SLC7A11: variants seen among roughly 807,000 people sequenced by gnomAD.
The protein encoded by SLC7A11 is solute carrier family 7 member 11.
In SLC7A11, 35 loss-of-function variants were observed where a neutral mutation model predicts 54.5. The observed-to-expected ratio is 0.64, with a 90% CI of 0.49 to 0.85. The LOEUF is 0.85. SLC7A11 is among the 40% of genes least tolerant of loss of function. The pLI, the probability that SLC7A11 is intolerant of heterozygous loss-of-function variation, is 0.00. For missense variants in SLC7A11, 583 were observed against 618.1 expected, an observed-to-expected ratio of 0.94 and a Z score of 0.60; for synonymous variants, 230 against 225.2, an observed-to-expected ratio of 1.02 and a Z score of -0.19.
intron 11 of SLC7A11, chr4:138,174,845 C>T (rs1020784608): frequency 6.6e-6 from 1 of 152,116 alleles, no homozygotes; most frequent in African/African-American, 2.4e-5. Context: ...CTTTCATGTT[C>T]AGTAGTTATT....
chr4:138,207,267 C>T (rs1737432060), intron 6 of SLC7A11, among the ~76,000 whole-genome samples: 2 of 151,910 alleles, frequency 1.3e-5, no homozygotes, highest in Non-Finnish European at 2.9e-5. Flanking sequence ...ATGTAGATAA[C>T]ATTGACTTGT....
rs1312382490 is a variant in SLC7A11, at chr4:138,197,996, G to A, written c.792-12752C>T. On this transcript the variant is annotated intron_variant, in intron 6 of 11. Transcript: ENST00000280612. ...GTATCATCAATATAATATAATGTAA[G>A]TATCATAAACTAAGGAGTAATATGA... is the stretch of plus-strand genomic sequence containing the variant. 2.0e-5 allele frequency among the ~76,000 whole-genome samples: 3 copies of A among 150,312 alleles called. No individual in the cohort carries two copies. The South Asian group carries it at 6.3e-4, about 31-fold the overall frequency.
chr4:138,237,700 AATATATATATATATATAT>A (rs1168512229), intron 1 of SLC7A11, among the ~76,000 whole-genome samples: 402 of 14,684 alleles, frequency 0.027, 8 homozygotes, highest in Non-Finnish European at 0.029. Context: ...GCCTAGCCAG[AATATATATATATATATAT>A]ATATATATAT....
At chr4:138,202,867 T>C (rs927879591) in intron 6 of SLC7A11, among the ~76,000 whole-genome samples, 2 of 152,164 alleles carry the variant, frequency 1.3e-5, no homozygotes, top group Non-Finnish European at 2.9e-5. Flanking sequence ...TGATGCTCAC[T>C]GTGCCTGGAA....
chr4:138,201,692 C>T lies in SLC7A11; in HGVS notation c.791+12893G>A, dbSNP rs926525911. On this transcript the variant is annotated intron_variant, in intron 6 of 11. Coordinates refer to ENST00000280612, the MANE Select transcript of SLC7A11 (RefSeq NM_014331.4). ...AACAGCTTCCCCATGTCCACAAATC[C>T]TGATCTGATAGTCCCTATGGGTGAC... 3.9e-5 allele frequency among the ~76,000 whole-genome samples: 6 copies of T among 152,078 alleles called. No individual in the cohort carries two copies. The East Asian group carries it at 1.2e-3, about 29-fold the overall frequency.
intron 6 of SLC7A11, among the ~76,000 whole-genome samples, chr4:138,206,960 A>T (rs1737422389): frequency 6.8e-6 from 1 of 147,422 alleles, no homozygotes; most frequent in African/African-American, 2.5e-5. Flanking sequence ...TTAAAAATGG[A>T]TTAATCAAGC....
At position 138,170,250 on chromosome 4, in the gene SLC7A11, G is replaced by GTGTGTA. The variant is rs1443314500; in HGVS notation, c.*1705_*1706insTACACA. On this transcript the variant is annotated 3_prime_UTR_variant, in exon 12 of 12. Transcript: ENST00000280612. ...ATATAAAAAGTGTGTGTGTGTGTGT[G>GTGTGTA]TATATATATATATATATATATACAC... 1 of 74,072 alleles carries GTGTGTA rather than the reference G, an allele frequency of 1.4e-5. No homozygotes were observed. Among genetic ancestry groups the GTGTGTA allele is most frequent in the Non-Finnish European group, 2.5e-5 (1 of 39,660 alleles). 4.6% of individuals were successfully genotyped at this position (74,072 alleles called of 1,614,324 possible). A position where few individuals can be genotyped will look rare whatever the true frequency, so the allele number is the denominator to read the frequency against.
At position 138,170,246 on chromosome 4, in the gene SLC7A11, G is replaced by GTATA. The variant is rs1235068908; in HGVS notation, c.*1709_*1710insTATA. ...ATATATATAAAAAGTGTGTGTGTGT[G>GTATA]TGTGTATATATATATATATATATAT... On this transcript the variant is annotated 3_prime_UTR_variant, in exon 12 of 12. Coordinates refer to ENST00000280612, the MANE Select transcript of SLC7A11 (RefSeq NM_014331.4). 3 of 82,862 alleles carry GTATA rather than the reference G, an allele frequency of 3.6e-5. No homozygotes were observed. Among genetic ancestry groups the GTATA allele is most frequent in the African/African-American group, 1.3e-4 (3 of 23,312 alleles). The allele number at this position is 82,862 out of a possible 1,614,324, so 5.1% of individuals were successfully genotyped here. A position where few individuals can be genotyped will look rare whatever the true frequency, so the allele number is the denominator to read the frequency against.
Position 138,179,200 on chromosome 4 carries a change from G to A in SLC7A11, c.1444+17C>T. 1.3e-6 allele frequency: 2 copies of A among 1,542,246 alleles called. No homozygotes were observed. Among genetic ancestry groups the A allele is most frequent in the Non-Finnish European group, 9.0e-7 (1 of 1,115,984 alleles). ...CATGGTGTTGCACAATGTCCTGAAAGTATTTAAAATTCTTACCCGACATTA... is the reference window on the plus strand; with the variant it reads ...CATGGTGTTGCACAATGTCCTGAAAATATTTAAAATTCTTACCCGACATTA... On this transcript the variant is annotated intron_variant, in intron 11 of 11. Coordinates refer to ENST00000280612, the MANE Select transcript of SLC7A11 (RefSeq NM_014331.4).
rs140016099 is a variant in SLC7A11, at chr4:138,167,843, A to G, written c.*4113T>C. 1.3e-5 allele frequency: 2 copies of G among 152,284 alleles called. No individual in the cohort carries two copies. The highest frequency in any genetic ancestry group is 4.8e-5 in the African/African-American group (2 of 41,568). The allele number at this position is 152,284 out of a possible 1,614,324, so 9.4% of individuals were successfully genotyped here. ...ATAAAATGTCTTTCATGGGCATTCA[A>G]ATCCCACATCTCTCTATATTTCTTT... On this transcript the variant is annotated 3_prime_UTR_variant, in exon 12 of 12. Coordinates refer to ENST00000280612, the MANE Select transcript of SLC7A11 (RefSeq NM_014331.4).
rs570447846 is a variant in SLC7A11, at chr4:138,169,640, A to T, written c.*2316T>A. Reference sequence around the variant, plus strand: ...AGCCAAGAACTACACAAACCTCTCTATGAGAATTTACCAGTCTTCTTTCAT... The same window carrying T: ...AGCCAAGAACTACACAAACCTCTCTTTGAGAATTTACCAGTCTTCTTTCAT... On this transcript the variant is annotated 3_prime_UTR_variant, in exon 12 of 12. Transcript: ENST00000280612. 1 of 152,074 alleles carries T rather than the reference A, an allele frequency of 6.6e-6. No homozygotes were observed. Among genetic ancestry groups the T allele is most frequent in the South Asian group, 2.1e-4 (1 of 4,830 alleles). 9.4% of individuals were successfully genotyped at this position (152,074 alleles called of 1,614,324 possible). A position where few individuals can be genotyped will look rare whatever the true frequency, so the allele number is the denominator to read the frequency against.
intron 5 of SLC7A11, 32 bp from the exon 6 acceptor site, chr4:138,214,661 A>C: frequency 1.2e-6 from 1 of 836,124 alleles, no homozygotes. Flanking sequence ...ATAAACTATT[A>C]ATATATTTTA....
In SLC7A11 at chr4:138,241,963, T is replaced by C. The variant is rs202224795; in HGVS notation, c.107A>G (p.Glu36Gly). 1.6e-4 allele frequency: 255 copies of C among 1,614,034 alleles called. No individual in the cohort carries two copies. Among genetic ancestry groups the C allele is most frequent in the Non-Finnish European group, 1.9e-4 (230 of 1,180,036 alleles). The change falls in exon 1 of 12, where the codon GAG becomes GGG. Residue 36 changes from glutamate to glycine, a missense_variant. Physicochemically the swap from Glu to Gly is moderately conservative, Grantham distance 98. Transcript: ENST00000280612. ...SLGNKEPPGQEKVQLKRKVTL... is the reference protein window; with the variant it reads ...SLGNKEPPGQGKVQLKRKVTL... ...GACTTTCCTCTTCAGCTGCACTTTC[T>C]CCTGCCCAGGTGGCTCCTTGTTGCC...
chr4:138,226,151 CAGAT>C (rs1737943181), intron 3 of SLC7A11, among the ~76,000 whole-genome samples: 2 of 152,208 alleles, frequency 1.3e-5, no homozygotes, highest in Admixed American at 1.3e-4. Flanking sequence ...GCTTTCCTCT[CAGAT>C]AGCTTAACAA....
rs148076676 is a variant in SLC7A11 at position 138,185,194 on chromosome 4, T to C, written c.842A>G (p.Tyr281Cys). 28 of 1,612,628 alleles carry C rather than the reference T, an allele frequency of 1.7e-5. No homozygotes were observed. Among genetic ancestry groups the C allele is most frequent in the Non-Finnish European group, 2.3e-5 (27 of 1,179,012 alleles). Residue 281 changes from tyrosine to cysteine, a missense_variant, in exon 7 of 12, where the codon TAT (tyrosine) becomes TGT (cysteine). By Grantham distance (194) the Tyr-to-Cys change is radical (BLOSUM62 -2). Transcript: ENST00000280612. ...AAAGTAGGCCACATTTGTCAGCACA[T>C]AGCCAATGGTGACAATGGCCATGGA... ...CISMAIVTIG[Y>C]VLTNVAYFTT...
chr4:138,207,063 A>T (rs1195251130), intron 6 of SLC7A11, among the ~76,000 whole-genome samples: 1 of 151,810 alleles, frequency 6.6e-6, no homozygotes, highest in African/African-American at 2.4e-5. Context: ...AATTGAAGAA[A>T]AGCAGTGTCA....
chr4:138,222,678 A>G (rs1195084287), intron 4 of SLC7A11, among the ~76,000 whole-genome samples: 1 of 152,206 alleles, frequency 6.6e-6, no homozygotes, highest in Non-Finnish European at 1.5e-5. Context: ...TTTTACAACT[A>G]TTTTATTGTG....
At position 138,207,862 on chromosome 4, in the gene SLC7A11, C is replaced by T. The variant is rs1009893935; in HGVS notation, c.791+6723G>A. 2.0e-5 allele frequency among the ~76,000 whole-genome samples: 3 copies of T among 152,052 alleles called. No individual in the cohort carries two copies. The East Asian group carries it at 5.8e-4, about 29-fold the overall frequency. ...CTATTTTGTTTTCTTATGTTTTTTACTCAGGTAACGGTTATAAAACTGTCC... is the reference window on the plus strand; with the variant it reads ...CTATTTTGTTTTCTTATGTTTTTTATTCAGGTAACGGTTATAAAACTGTCC... On this transcript the variant is annotated intron_variant, in intron 6 of 11. Transcript: ENST00000280612.
chr4:138,190,476 T>G (rs1049194189), intron 6 of SLC7A11, among the ~76,000 whole-genome samples: 7 of 152,138 alleles, frequency 4.6e-5, no homozygotes, highest in African/African-American at 1.7e-4. Flanking sequence ...AGTGACCCTG[T>G]AAAGACCTTG....
Sources: allele counts gnomAD v4.1 joint callset (sites outside exome capture counted in the v4.1 genomes callset), GRCh38; gene constraint gnomAD v4.1.1; transcripts MANE v1.5; gene names NCBI Gene and HGNC (gene_info 2026-07-23, HGNC 2026-07-21).